PLCD3: variants seen among roughly 807,000 people sequenced by gnomAD.
PLCD3 encodes phospholipase C delta 3.
Under a neutral mutation model 82.8 loss-of-function variants are expected in PLCD3, and 62 were observed. That is an observed-to-expected ratio of 0.75 (90% confidence interval 0.61 to 0.93). PLCD3 has a LOEUF of 0.93. Among genes scored for constraint, PLCD3 ranks in the 40% least tolerant of loss-of-function variants. The pLI, the probability that PLCD3 is intolerant of heterozygous loss-of-function variation, is 0.00. For synonymous variants in PLCD3, 478 were observed against 471.8 expected, an observed-to-expected ratio of 1.01 and a Z score of -0.17; for missense variants, 1,023 against 1,103.4, an observed-to-expected ratio of 0.93 and a Z score of 1.03.
chr17:45,121,306 C>T lies in PLCD3; in HGVS notation c.230G>A (p.Arg77His), dbSNP rs776046275. The T allele has an allele frequency of 1.0e-5, 16 of 1,574,084 alleles. No individual in the cohort carries two copies. The African/African-American group carries it at 2.2e-4, about 21-fold the overall frequency. ...RGSRLRKIRS[R>H]TWHKERLYRL... Reference sequence around the variant, plus strand: ...GTACAGCCGCTCCTTGTGCCACGTGCGCGAGCGGATCTTGCGGAGCCGGGA... The same window carrying T: ...GTACAGCCGCTCCTTGTGCCACGTGTGCGAGCGGATCTTGCGGAGCCGGGA... Residue 77 changes from arginine (R) to histidine (H), a missense_variant, in exon 2 of 15, where the codon CGC becomes CAC. Transcript: ENST00000619929.
At chr17:45,113,414 C>G in intron 12 of PLCD3, 25 bp downstream of exon 12, 1 of 1,577,988 alleles carries the variant, frequency 6.3e-7, no homozygotes, top group Non-Finnish European at 8.6e-7. Flanking sequence ...TGACCCCACA[C>G]TGGGGCCCGT....
chr17:45,114,970 G>T, intron 10 of PLCD3, 124 bp downstream of exon 10: 1 of 1,356,700 alleles, frequency 7.4e-7, no homozygotes, highest in Non-Finnish European at 9.8e-7. Flanking sequence ...CCTCAGCCCA[G>T]CCCCTCTTTG....
At chr17:45,113,051 A>G in intron 13 of PLCD3, 39 bp from the exon 14 acceptor site, 3 of 1,603,368 alleles carry the variant, frequency 1.9e-6, no homozygotes, top group Non-Finnish European at 2.6e-6. Context: ...CAGGGGCCCC[A>G]GGACCCACCC....
chr17:45,119,976 G>A (rs966658992), intron 4 of PLCD3, among the ~76,000 whole-genome samples: 4 of 152,244 alleles, frequency 2.6e-5, no homozygotes, highest in Admixed American at 2.6e-4. Flanking sequence ...ACGTGTATCC[G>A]TGCACATGCA....
intron 1 of PLCD3, among the ~76,000 whole-genome samples, chr17:45,127,450 G>A (rs1247848869): frequency 6.6e-6 from 1 of 152,196 alleles, no homozygotes; most frequent in Non-Finnish European, 1.5e-5. Flanking sequence ...ATGGTCTGGG[G>A]CCTGAGCAGT....
chr17:45,131,870 GC>G (rs142674731), intron 1 of PLCD3, among the ~76,000 whole-genome samples: 95 of 152,292 alleles, frequency 6.2e-4, no homozygotes, highest in African/African-American at 2.2e-3. Flanking sequence ...CTTCCTAAGG[GC>G]TGCCAAGACC....
chr17:45,121,396 G>GA (rs1476300369), intron 1 of PLCD3, 24 bp from the exon 2 acceptor site: 1 of 1,483,940 alleles, frequency 6.7e-7, no homozygotes, highest in Non-Finnish European at 8.9e-7. Context: ...AGGACCCGGG[G>GA]CGTCAGGCCG....
In PLCD3 at chr17:45,118,228, G is replaced by GAAGCCA; in HGVS notation, c.1115+57_1115+62dup. 1 of 1,611,402 alleles carries GAAGCCA rather than the reference G, an allele frequency of 6.2e-7. No individual in the cohort carries two copies. The highest frequency in any genetic ancestry group is 8.5e-7 in the Non-Finnish European group (1 of 1,178,140). ...GCAGGCTGGGCCAGGAAGGCCCCAG[G>GAAGCCA]AAGCCAGCCCATGTCTCTCCCCAGG... On this transcript the variant is annotated intron_variant, in intron 6 of 14. Transcript: ENST00000619929. The surrounding 1 kb of genome is among the most constrained non-coding windows in gnomAD (Gnocchi z 4.1).
chr17:45,112,902 CAA>C lies in PLCD3; in HGVS notation c.2240_2241del (p.Phe747CysfsTer9), dbSNP rs1423864931. 1 of 1,612,524 alleles carries C rather than the reference CAA, an allele frequency of 6.2e-7. No individual in the cohort carries two copies. Among genetic ancestry groups the C allele is most frequent in the Non-Finnish European group, 8.5e-7 (1 of 1,179,352 alleles). On this transcript the variant is annotated frameshift_variant, in exon 14 of 15. Transcript: ENST00000619929. LOFTEE classifies it high-confidence loss of function. ...EDYDATSPND[F>X]VGQFTLPLSS... ...CTAAGAGGCAGTGTAAACTGGCCCA[CAA>C]AGTCATTGGGGGAGGTGGCGTCATA...
Position 45,115,125 on chromosome 17 carries a change from C to A in PLCD3, c.1680G>T (p.Glu560Asp). The change falls in exon 10 of 15, where the codon GAG (glutamate) becomes GAT (aspartate). Residue 560 changes from glutamate to aspartate, a missense_variant. This residue lies in a region of PLCD3 where 553 missense variants were observed against 655.7 expected (regional missense o/e 0.84). Coordinates refer to ENST00000619929, the MANE Select transcript of PLCD3 (RefSeq NM_133373.5). ...PQPCQVSSLS[E>D]RKAKKLIREA... ...CCCGAATGAGTTTCTTGGCTTTGCG[C>A]TCGCTGAGGGAGCTGACCTGGCAGG... 1 of 1,602,076 alleles carries A rather than the reference C, an allele frequency of 6.2e-7. No individual in the cohort carries two copies. The highest frequency in any genetic ancestry group is 8.5e-7 in the Non-Finnish European group (1 of 1,174,450).
chr17:45,113,773 C>A (rs1598027123), intron 11 of PLCD3, among the ~76,000 whole-genome samples, 168 bp from the exon 12 acceptor site: 1 of 152,184 alleles, frequency 6.6e-6, no homozygotes, highest in African/African-American at 2.4e-5. Context: ...ACCCAGCCCC[C>A]ACTGTCACCT....
chr17:45,112,778 G>A lies in PLCD3; in HGVS notation c.2282-74C>T, dbSNP rs557092916. Reference sequence around the variant, plus strand: ...CTGGCCCAGCCCGGGCCTGCTTCAGGGCAGGAAATTCGAGGCACAAAGGTG... The same window carrying A: ...CTGGCCCAGCCCGGGCCTGCTTCAGAGCAGGAAATTCGAGGCACAAAGGTG... On this transcript the variant is annotated intron_variant, in intron 14 of 14. Coordinates refer to ENST00000619929, the MANE Select transcript of PLCD3 (RefSeq NM_133373.5). The A allele has an allele frequency of 1.7e-4, 265 of 1,592,134 alleles. 1 individual carries two copies. The East Asian group carries it at 5.4e-3, about 32-fold the overall frequency.
chr17:45,127,817 A>AGTGTGT (rs10665297), intron 1 of PLCD3, among the ~76,000 whole-genome samples: 8 of 150,982 alleles, frequency 5.3e-5, no homozygotes, highest in African/African-American at 1.5e-4. Context: ...TGTGCGTGTG[A>AGTGTGT]GTGTGTGTGT....
Position 45,118,054 on chromosome 17 carries a change from G to T in PLCD3, c.1200C>A (p.Thr400=), listed in dbSNP as rs556823094. ...GGEPVIYHGH[T]LTSKILFRDV... ...CCCGGAAGAGAATCTTGGAGGTGAG[G>T]GTATGGCCATGATAGATGACGGGCT... is the stretch of plus-strand genomic sequence containing the variant. Residue 400 remains threonine (T), a synonymous_variant, in exon 7 of 15, where the codon ACC becomes ACA. Transcript: ENST00000619929. This position sits in a 1 kb window ranked among gnomAD's most constrained non-coding sequence, Gnocchi z 4.1. 1 of 1,613,790 alleles carries T rather than the reference G, an allele frequency of 6.2e-7. No homozygotes were observed. Among genetic ancestry groups the T allele is most frequent in the Non-Finnish European group, 8.5e-7 (1 of 1,179,822 alleles).
Position 45,114,426 on chromosome 17 carries a change from G to A in PLCD3, c.1712-60C>T, listed in dbSNP as rs928140986. 2.4e-5 allele frequency: 33 copies of A among 1,380,878 alleles called. No homozygotes were observed. In the East Asian group the frequency reaches 4.7e-4, roughly 20 times the overall value. 85.5% of individuals were successfully genotyped at this position (1,380,878 alleles called of 1,614,324 possible). A position where few individuals can be genotyped will look rare whatever the true frequency, so the allele number is the denominator to read the frequency against. On this transcript the variant is annotated intron_variant, in intron 10 of 14. Coordinates refer to ENST00000619929, the MANE Select transcript of PLCD3 (RefSeq NM_133373.5). ...CCGGGGGTCCCTCACCCAAAGCCCC[G>A]GCCTGTAACCTCCAGGGAACAGAGC...
intron 14 of PLCD3, 27 bp from the exon 15 acceptor site, chr17:45,112,731 G>A (rs1257197518): frequency 1.9e-6 from 3 of 1,595,666 alleles, no homozygotes; most frequent in Non-Finnish European, 2.6e-6. Context: ...CAGGCCTCAG[G>A]TCCTCTGTGC....
chr17:45,125,967 G>A (rs529220704), intron 1 of PLCD3, among the ~76,000 whole-genome samples: 10 of 152,268 alleles, frequency 6.6e-5, no homozygotes, highest in South Asian at 6.2e-4. Flanking sequence ...GCACAACAGC[G>A]TGAATGTAAT....
chr17:45,127,435 C>G (rs184304305), intron 1 of PLCD3, among the ~76,000 whole-genome samples: 2 of 152,270 alleles, frequency 1.3e-5, no homozygotes, highest in East Asian at 3.9e-4. Context: ...CGGTTTGGGG[C>G]GTGGATGGTC....
In PLCD3 at chr17:45,118,285, C is replaced by T. The variant is rs916024212; in HGVS notation, c.1115+6G>A. ...TCCCGGAAACATTCACCCCCTGCTACAGTACCTAACATAGGCCTCGGTGCT... is the reference window on the plus strand; with the variant it reads ...TCCCGGAAACATTCACCCCCTGCTATAGTACCTAACATAGGCCTCGGTGCT... On this transcript the variant is annotated splice_donor_region_variant and intron_variant, in intron 6 of 14. Coordinates refer to ENST00000619929, the MANE Select transcript of PLCD3 (RefSeq NM_133373.5). The surrounding 1 kb of genome is among the most constrained non-coding windows in gnomAD (Gnocchi z 4.1). 1.4e-5 allele frequency: 23 copies of T among 1,613,882 alleles called. No individual in the cohort carries two copies. The highest frequency in any genetic ancestry group is 8.8e-5 in the South Asian group (8 of 91,088).
Sources: allele counts gnomAD v4.1 joint callset (sites outside exome capture counted in the v4.1 genomes callset), GRCh38; gene constraint gnomAD v4.1.1; regional missense constraint gnomAD v4.1.1; non-coding constraint Gnocchi (gnomAD v3.1); transcripts MANE v1.5; gene names NCBI Gene and HGNC (gene_info 2026-07-23, HGNC 2026-07-21).